OXR1: variants seen among roughly 807,000 people sequenced by gnomAD.
OXR1 encodes oxidation resistance 1.
Under a neutral mutation model 104.6 loss-of-function variants are expected in OXR1, and 41 were observed. The observed-to-expected ratio is 0.39, with a 90% CI of 0.31 to 0.51. OXR1 has a LOEUF of 0.51. Among genes scored for constraint, OXR1 ranks in the 20% least tolerant of loss-of-function variants. OXR1 has a pLI of 0.77. For missense variants in OXR1, 955 were observed against 1,031.9 expected, an observed-to-expected ratio of 0.93 and a Z score of 1.02; for synonymous variants, 348 against 348.4, an observed-to-expected ratio of 1.00 and a Z score of 0.01.
chr8:106,509,759 A>C (rs1812398724), intron 2 of OXR1, among the ~76,000 whole-genome samples: 1 of 152,124 alleles, frequency 6.6e-6, no homozygotes, highest in Admixed American at 6.5e-5. Flanking sequence ...TCTTTTATCT[A>C]AGCTCCAACA....
chr8:106,361,708 G>A (rs1456978819), intron 2 of OXR1, among the ~76,000 whole-genome samples: 1 of 152,094 alleles, frequency 6.6e-6, no homozygotes, highest in Non-Finnish European at 1.5e-5. Context: ...GGAATGCACA[G>A]TAACTCATCA....
chr8:106,439,045 A>C (rs1205840117), intron 2 of OXR1, among the ~76,000 whole-genome samples: 1 of 152,146 alleles, frequency 6.6e-6, no homozygotes, highest in Admixed American at 6.6e-5. Flanking sequence ...GCAATTGTTC[A>C]TATTCAGAAG....
chr8:106,723,641 C>T (rs147795887), intron 11 of OXR1, among the ~76,000 whole-genome samples: 2,562 of 151,894 alleles, frequency 0.017, 31 homozygotes, highest in East Asian at 0.039. Flanking sequence ...CATTGTACTC[C>T]AGCCTGGGCA....
intron 3 of OXR1, among the ~76,000 whole-genome samples, chr8:106,635,976 T>C (rs182829478): frequency 8.8e-4 from 134 of 152,340 alleles, no homozygotes; most frequent in African/African-American, 3.0e-3. Context: ...TTGTGAATAC[T>C]TTGGGCCATT....
At chr8:106,283,840 AT>A (rs1428317514) in intron 1 of OXR1, among the ~76,000 whole-genome samples, 1 of 152,082 alleles carries the variant, frequency 6.6e-6, no homozygotes, top group Non-Finnish European at 1.5e-5. Context: ...CCTCACAATT[AT>A]TTAGGAATTT....
intron 2 of OXR1, among the ~76,000 whole-genome samples, chr8:106,439,042 T>C (rs1264100007): frequency 6.6e-6 from 1 of 152,144 alleles, no homozygotes; most frequent in African/African-American, 2.4e-5. Context: ...ACTGCAATTG[T>C]TCATATTCAG....
intron 2 of OXR1, among the ~76,000 whole-genome samples, chr8:106,484,076 G>A (rs1057064220): frequency 2.0e-4 from 31 of 152,084 alleles, no homozygotes; most frequent in African/African-American, 7.0e-4. Context: ...ATGATAAGCT[G>A]AACTTTATTA....
intron 1 of OXR1, among the ~76,000 whole-genome samples, chr8:106,339,794 C>T (rs1052761108): frequency 9.2e-5 from 14 of 151,612 alleles, no homozygotes; most frequent in African/African-American, 3.1e-4. Context: ...TAGTAAAACT[C>T]TGAAGAAGGT....
chr8:106,683,285 C>G lies in OXR1; in HGVS notation c.390C>G (p.Ser130=). ...NELVQLNKLF[S]RAVVTGQVLY... ...TTGTTCAATTAAATAAGTTATTCTCCCGAGCAGTTGTTACTGGACAGGTAG... is the reference window on the plus strand; with the variant it reads ...TTGTTCAATTAAATAAGTTATTCTCGCGAGCAGTTGTTACTGGACAGGTAG... Residue 130 remains serine, a synonymous_variant, in exon 5 of 17, where the codon TCC becomes TCG. Coordinates refer to ENST00000517566, the MANE Select transcript of OXR1 (RefSeq NM_001198533.2). The G allele has an allele frequency of 1.3e-6, 2 of 1,586,134 alleles. No individual in the cohort carries two copies. Among genetic ancestry groups the G allele is most frequent in the African/African-American group, 1.3e-5 (1 of 74,428 alleles).
At chr8:106,426,921 T>C (rs899737455) in intron 2 of OXR1, among the ~76,000 whole-genome samples, 8 of 152,224 alleles carry the variant, frequency 5.3e-5, no homozygotes, top group African/African-American at 1.9e-4. Context: ...AGAAATATTT[T>C]TGAAATTATC....
At chr8:106,719,930 C>T (rs1052389160) in intron 11 of OXR1, among the ~76,000 whole-genome samples, 4 of 152,024 alleles carry the variant, frequency 2.6e-5, no homozygotes, top group African/African-American at 2.4e-5. Flanking sequence ...CTCAGCTTCC[C>T]GAGCAGCTGG....
intron 2 of OXR1, among the ~76,000 whole-genome samples, chr8:106,447,452 G>A (rs2130604536): frequency 6.6e-6 from 1 of 152,238 alleles, no homozygotes; most frequent in South Asian, 2.1e-4. Flanking sequence ...GTAACCGTGG[G>A]CAAGTTCCTC....
chr8:106,443,730 C>T (rs1490582822), intron 2 of OXR1, among the ~76,000 whole-genome samples: 1 of 152,008 alleles, frequency 6.6e-6, no homozygotes, highest in African/African-American at 2.4e-5. Context: ...GGATTGCAAC[C>T]CCTGCTTATT....
At chr8:106,272,810 T>G (rs1811873347) in intron 1 of OXR1, 1 of 152,182 alleles carries the variant, frequency 6.6e-6, no homozygotes, top group Non-Finnish European at 1.5e-5. Flanking sequence ...TTTTCAGTCA[T>G]TATTATAAAT....
At chr8:106,469,010 GTGT>G (rs66481208) in intron 2 of OXR1, among the ~76,000 whole-genome samples, 18,040 of 138,984 alleles carry the variant, frequency 0.13, 1,364 homozygotes, top group East Asian at 0.27. Flanking sequence ...GTTTGTTTGT[GTGT>G]TGTTGTTGTT....
intron 2 of OXR1, among the ~76,000 whole-genome samples, chr8:106,379,977 A>G (rs907547219): frequency 6.6e-6 from 1 of 152,198 alleles, no homozygotes; most frequent in African/African-American, 2.4e-5. Context: ...TACCCATTAA[A>G]GCTAAGCAAT....
chr8:106,698,484 C>T (rs760556839), intron 7 of OXR1, among the ~76,000 whole-genome samples: 2 of 152,054 alleles, frequency 1.3e-5, no homozygotes, highest in Non-Finnish European at 2.9e-5. Context: ...TTTTTTGCCT[C>T]CCATCCTCTC....
chr8:106,489,652 G>A (rs1219285557), intron 2 of OXR1, among the ~76,000 whole-genome samples: 3 of 152,030 alleles, frequency 2.0e-5, no homozygotes, highest in Non-Finnish European at 4.4e-5. Context: ...TATGTATTAA[G>A]GGAATTGTTC....
chr8:106,719,102 A>G (rs1265484157), intron 11 of OXR1, among the ~76,000 whole-genome samples: 1 of 152,200 alleles, frequency 6.6e-6, no homozygotes, highest in Non-Finnish European at 1.5e-5. Context: ...CCGGTATTCA[A>G]CACAGGAAGT....
Sources: gnomAD v4.1 joint callset for allele counts (sites outside exome capture counted in the v4.1 genomes callset) on GRCh38, gnomAD v4.1.1 for gene constraint, MANE v1.5 for transcripts, NCBI Gene and HGNC (gene_info 2026-07-23, HGNC 2026-07-21) for gene names.